Variants in ZNF628 observed in about 807,000 individuals in gnomAD.
The protein encoded by ZNF628 is zinc finger protein 628, also known as zinc finger protein Zec.
ZNF628 carries 3 observed loss-of-function variants against 2.5 expected under a neutral mutation model. That is an observed-to-expected ratio of 1.19 (90% CI 0.54 to 3.07). ZNF628 has a LOEUF of 3.07. Among genes scored for constraint, ZNF628 ranks in the 30% most tolerant of loss-of-function variants. The pLI is 0.03. For missense variants in ZNF628, 1,610 were observed against 1,517.1 expected, an observed-to-expected ratio of 1.06 and a Z score of -1.02; for synonymous variants, 861 against 717.1, an observed-to-expected ratio of 1.20 and a Z score of -3.21.
rs1337357329 is a variant in ZNF628, at chr19:55,482,193, A to G, written c.1000A>G (p.Lys334Glu). The change falls in exon 3 of 3, where the codon AAG becomes GAG. Residue 334 changes from lysine to glutamate, a missense_variant. Lys to Glu is a moderately conservative substitution (Grantham distance 56). Coordinates refer to ENST00000598519, the MANE Select transcript of ZNF628 (RefSeq NM_033113.3). ...CCAGGAGGCACCCGCCGAGGCGCCC[A>G]AGGCCGACCAGCCACCGTCCCCTCT... is the stretch of plus-strand genomic sequence containing the variant. ...QPQEAPAEAP[K>E]ADQPPSPLPQ... 1.1e-5 allele frequency: 17 copies of G among 1,489,474 alleles called. No individual in the cohort carries two copies. The highest frequency in any genetic ancestry group is 1.5e-5 in the Non-Finnish European group (17 of 1,125,466). The allele number at this position is 1,489,474 out of a possible 1,614,324, so 92.3% of individuals were successfully genotyped here.
rs530120042 is a variant in ZNF628, at chr19:55,483,576, A to C, written c.2383A>C (p.Thr795Pro). 42 of 1,608,078 alleles carry C rather than the reference A, an allele frequency of 2.6e-5. 1 individual carries two copies. In the South Asian group the frequency reaches 4.4e-4, roughly 17 times the overall value. ...AGCGGCCAGCGCTGGGGCCAGCGGG[A>C]CAGGGCAGAGCCTCATCGTTCTGCA... ...QGAASAGASG[T>P]GQSLIVLQNV... The change falls in exon 3 of 3, where the codon ACA (threonine) becomes CCA (proline). Residue 795 changes from threonine (T) to proline (P), a missense_variant. Transcript: ENST00000598519.
rs1002272881 is a variant in ZNF628, at chr19:55,481,119, C to G, written c.8-82C>G. On this transcript the variant is annotated intron_variant, in intron 2 of 2. Coordinates refer to ENST00000598519, the MANE Select transcript of ZNF628 (RefSeq NM_033113.3). ...GGTGACCTGGGGAGGTAGTCCCTGT[C>G]CCTTAAAGAGCCCGTGTGTGGGTTT... 2.8e-6 allele frequency: 4 copies of G among 1,439,922 alleles called. No individual in the cohort carries two copies. The Admixed American group carries it at 8.3e-5, about 30-fold the overall frequency. 89.2% of individuals were successfully genotyped at this position (1,439,922 alleles called of 1,614,324 possible). A position where few individuals can be genotyped will look rare whatever the true frequency, so the allele number is the denominator to read the frequency against.
In ZNF628 at chr19:55,482,529, G is replaced by GC; in HGVS notation, c.1341dup (p.Ala448ArgfsTer438). 8.8e-7 allele frequency: 1 copy of GC among 1,132,556 alleles called. No homozygotes were observed. The highest frequency in any genetic ancestry group is 1.2e-6 in the Non-Finnish European group (1 of 818,776). The allele number at this position is 1,132,556 out of a possible 1,614,324, so 70.2% of individuals were successfully genotyped here. On this transcript the variant is annotated frameshift_variant, in exon 3 of 3. Coordinates refer to ENST00000598519, the MANE Select transcript of ZNF628 (RefSeq NM_033113.3). LOFTEE classifies it low-confidence loss of function (END_TRUNC). ...CCCCGTCCCGCCGCCACCCCCGTCC[G>GC]CCCCCGCTTCTGCGGAGCGGCCCTA... is the stretch of plus-strand genomic sequence containing the variant.
chr19:55,482,301 G>T lies in ZNF628; in HGVS notation c.1108G>T (p.Gly370Trp). The T allele has an allele frequency of 6.8e-7, 1 of 1,469,860 alleles. No individual in the cohort carries two copies. Among genetic ancestry groups the T allele is most frequent in the Non-Finnish European group, 9.0e-7 (1 of 1,116,668 alleles). 91.1% of individuals were successfully genotyped at this position (1,469,860 alleles called of 1,614,324 possible). The stretch of plus-strand genomic sequence containing the variant: ...CGGCAAGTCCTTCCGGACGGTGGCT[G>T]GGCTCTCCCGCCACCAGCACAGCCA... ...PCGKSFRTVA[G>W]LSRHQHSHGA... is the part of the protein sequence containing the mutation. The change falls in exon 3 of 3, where the codon GGG becomes TGG. Residue 370 changes from glycine to tryptophan, a missense_variant. Transcript: ENST00000598519.
rs567662643 is a variant in ZNF628 at position 55,481,931 on chromosome 19, C to T, written c.738C>T (p.Pro246=). Residue 246 remains proline (P), a synonymous_variant, in exon 3 of 3, where the codon CCC becomes CCT. Coordinates refer to ENST00000598519, the MANE Select transcript of ZNF628 (RefSeq NM_033113.3). ...SAAPPPQSRE[P]GKVFVCDAYL... ...CCCCGCCCCCCCAGTCCCGGGAGCCCGGCAAGGTCTTCGTGTGCGACGCCT... is the reference window on the plus strand; with the variant it reads ...CCCCGCCCCCCCAGTCCCGGGAGCCTGGCAAGGTCTTCGTGTGCGACGCCT... 6.7e-7 allele frequency: 1 copy of T among 1,482,548 alleles called. No individual in the cohort carries two copies. Among genetic ancestry groups the T allele is most frequent in the Non-Finnish European group, 8.9e-7 (1 of 1,122,644 alleles). The allele number at this position is 1,482,548 out of a possible 1,614,324, so 91.8% of individuals were successfully genotyped here. A position where few individuals can be genotyped will look rare whatever the true frequency, so the allele number is the denominator to read the frequency against.
chr19:55,482,598 C>T lies in ZNF628; in HGVS notation c.1405C>T (p.Leu469=). Residue 469 remains leucine, a synonymous_variant, in exon 3 of 3, where the codon CTG becomes TTG. Coordinates refer to ENST00000598519, the MANE Select transcript of ZNF628 (RefSeq NM_033113.3). Reference sequence around the variant, plus strand: ...CAAGTCCTTCAAGGGCTCCTCCGGGCTGCGCTACCACCTGCGGGACCACAC... The same window carrying T: ...CAAGTCCTTCAAGGGCTCCTCCGGGTTGCGCTACCACCTGCGGGACCACAC... ...CGKSFKGSSG[L]RYHLRDHTGE... is the part of the protein sequence containing the mutation. 6.2e-7 allele frequency: 1 copy of T among 1,602,996 alleles called. No homozygotes were observed. The highest frequency in any genetic ancestry group is 1.3e-5 in the African/African-American group (1 of 74,892).
Position 55,482,397 on chromosome 19 carries a change from C to G in ZNF628, c.1204C>G (p.Leu402Val). The G allele has an allele frequency of 7.1e-7, 1 of 1,408,596 alleles. No individual in the cohort carries two copies. The highest frequency in any genetic ancestry group is 9.2e-7 in the Non-Finnish European group (1 of 1,084,818). The allele number at this position is 1,408,596 out of a possible 1,614,324, so 87.3% of individuals were successfully genotyped here. A position where few individuals can be genotyped will look rare whatever the true frequency, so the allele number is the denominator to read the frequency against. Residue 402 changes from leucine (L) to valine (V), a missense_variant, in exon 3 of 3, where the codon CTG becomes GTG. By Grantham distance (32) the Leu-to-Val change is conservative (BLOSUM62 1). Transcript: ENST00000598519. The stretch of plus-strand genomic sequence containing the variant: ...CTCCTTCCCGCAGCTGGCCAGCCTC[C>G]TGGCGCATCAGCAGTGCCACGTGGA... ...DGSFPQLASL[L>V]AHQQCHVEEA...
At position 55,482,244 on chromosome 19, in the gene ZNF628, GC is replaced by G. The variant is rs1314428728; in HGVS notation, c.1056del (p.Ala353ArgfsTer74). 6.9e-7 allele frequency: 1 copy of G among 1,442,710 alleles called. No homozygotes were observed. Among genetic ancestry groups the G allele is most frequent in the Non-Finnish European group, 9.0e-7 (1 of 1,106,146 alleles). The allele number at this position is 1,442,710 out of a possible 1,614,324, so 89.4% of individuals were successfully genotyped here. ...PLPQPPPPAA[A>X]PAPGFACLPC... ...GCCGCAGCCCCCTCCTCCCGCCGCC[GC>G]CCCCGCGCCTGGCTTTGCCTGTCTG... is the stretch of plus-strand genomic sequence containing the variant. On this transcript the variant is annotated frameshift_variant, in exon 3 of 3. Coordinates refer to ENST00000598519, the MANE Select transcript of ZNF628 (RefSeq NM_033113.3). LOFTEE classifies it low-confidence loss of function (END_TRUNC).
chr19:55,481,966 G>C lies in ZNF628; in HGVS notation c.773G>C (p.Arg258Pro), dbSNP rs868787314. The C allele has an allele frequency of 1.4e-6, 2 of 1,462,692 alleles. No individual in the cohort carries two copies. The highest frequency in any genetic ancestry group is 1.8e-6 in the Non-Finnish European group (2 of 1,114,792). 90.6% of individuals were successfully genotyped at this position (1,462,692 alleles called of 1,614,324 possible). A position where few individuals can be genotyped will look rare whatever the true frequency, so the allele number is the denominator to read the frequency against. ...KVFVCDAYLQ[R>P]HLQPHSPPAP... is the part of the protein sequence containing the mutation. ...TTCGTGTGCGACGCCTACCTGCAGC[G>C]GCACCTCCAGCCCCACAGCCCGCCC... The change falls in exon 3 of 3, where the codon CGG becomes CCG. Residue 258 changes from arginine (R) to proline (P), a missense_variant. Transcript: ENST00000598519.
In ZNF628 at chr19:55,479,719, C is replaced by T. The variant is rs145987037; in HGVS notation, c.-77-115C>T. The T allele has an allele frequency of 4.3e-3, 1,671 of 387,662 alleles. 1 individual carries two copies. The highest frequency in any genetic ancestry group is 6.6e-3 in the Middle Eastern group (10 of 1,520). The allele number at this position is 387,662 out of a possible 1,614,324, so 24.0% of individuals were successfully genotyped here. A position where few individuals can be genotyped will look rare whatever the true frequency, so the allele number is the denominator to read the frequency against. ...AGTTAACAGATAACCCCAAATGCCT[C>T]CAGGCATTGCGGGATGTCCCCTGGG... On this transcript the variant is annotated intron_variant, in intron 1 of 2. Transcript: ENST00000598519. This position sits in a 1 kb window ranked among gnomAD's most constrained non-coding sequence, Gnocchi z 5.1.
chr19:55,480,328 C>G (rs549927057), intron 2 of ZNF628, among the ~76,000 whole-genome samples: 7 of 148,196 alleles, frequency 4.7e-5, no homozygotes, highest in African/African-American at 1.8e-4. Flanking sequence ...TTACTGCAAC[C>G]TCCACCTCCC....
chr19:55,482,449 C>T lies in ZNF628; in HGVS notation c.1256C>T (p.Pro419Leu), dbSNP rs1176207633. The T allele has an allele frequency of 7.3e-7, 1 of 1,367,904 alleles. No individual in the cohort carries two copies. Among genetic ancestry groups the T allele is most frequent in the Non-Finnish European group, 9.4e-7 (1 of 1,066,142 alleles). 84.7% of individuals were successfully genotyped at this position (1,367,904 alleles called of 1,614,324 possible). A position where few individuals can be genotyped will look rare whatever the true frequency, so the allele number is the denominator to read the frequency against. The change falls in exon 3 of 3, where the codon CCG (proline) becomes CTG (leucine). Residue 419 changes from proline to leucine, a missense_variant. Coordinates refer to ENST00000598519, the MANE Select transcript of ZNF628 (RefSeq NM_033113.3). The part of the protein sequence containing the change: ...VEEAAAGRPP[P>L]QAEAAEVTCP... ...GAGGCCGCGGCCGGGCGCCCGCCCC[C>T]GCAGGCTGAGGCTGCGGAGGTGACC...
rs1490237859 is a variant in ZNF628 at position 55,482,087 on chromosome 19, T to C, written c.894T>C (p.Asp298=). ...CGGTGGAGCTGGTGTACCGCTGCGA[T>C]GGCTGCGAGCAGGGATTCAGCAGCG... ...ETTVELVYRC[D]GCEQGFSSEE... is the part of the protein sequence containing the mutation. Residue 298 remains aspartate (D), a synonymous_variant, in exon 3 of 3, where the codon GAT becomes GAC. Coordinates refer to ENST00000598519, the MANE Select transcript of ZNF628 (RefSeq NM_033113.3). The C allele has an allele frequency of 6.7e-7, 1 of 1,503,436 alleles. No individual in the cohort carries two copies. Among genetic ancestry groups the C allele is most frequent in the Non-Finnish European group, 8.9e-7 (1 of 1,127,148 alleles). 93.1% of individuals were successfully genotyped at this position (1,503,436 alleles called of 1,614,324 possible). A position where few individuals can be genotyped will look rare whatever the true frequency, so the allele number is the denominator to read the frequency against.
chr19:55,477,159 A>T (rs1052465321), intron 1 of ZNF628, among the ~76,000 whole-genome samples: 6 of 152,170 alleles, frequency 3.9e-5, no homozygotes, highest in Non-Finnish European at 7.3e-5. Context: ...GCTCAACAAA[A>T]GTGGAGATGG....
intron 1 of ZNF628, among the ~76,000 whole-genome samples, chr19:55,477,050 C>A (rs1986568078): frequency 6.6e-6 from 1 of 152,296 alleles, no homozygotes; most frequent in Non-Finnish European, 1.5e-5. Flanking sequence ...ATGTTTTTCC[C>A]CTAAAAGGCG....
rs1379262433 is a variant in ZNF628 at position 55,482,038 on chromosome 19, T to C, written c.845T>C (p.Leu282Pro). Reference protein sequence around the residue: ...PPPPPPVVPELFLAAAETTVE... With the variant: ...PPPPPPVVPEPFLAAAETTVE... The stretch of plus-strand genomic sequence containing the variant: ...CCGCCCCCGCCCGTGGTGCCTGAGC[T>C]CTTTTTGGCGGCGGCGGAGACCACG... The change falls in exon 3 of 3, where the codon CTC (leucine) becomes CCC (proline). Residue 282 changes from leucine (L) to proline (P), a missense_variant. By Grantham distance (98) the Leu-to-Pro change is moderately conservative (BLOSUM62 -3). Coordinates refer to ENST00000598519, the MANE Select transcript of ZNF628 (RefSeq NM_033113.3). The C allele has an allele frequency of 7.0e-7, 1 of 1,429,840 alleles. No individual in the cohort carries two copies. 88.6% of individuals were successfully genotyped at this position (1,429,840 alleles called of 1,614,324 possible).
At position 55,482,224 on chromosome 19, in the gene ZNF628, A is replaced by C. The variant is rs770667016; in HGVS notation, c.1031A>C (p.Gln344Pro). Reference protein sequence around the residue: ...KADQPPSPLPQPPPPAAAPAP... With the variant: ...KADQPPSPLPPPPPPAAAPAP... ...GACCAGCCACCGTCCCCTCTGCCGC[A>C]GCCCCCTCCTCCCGCCGCCGCCCCC... The change falls in exon 3 of 3, where the codon CAG becomes CCG. Residue 344 changes from glutamine (Q) to proline (P), a missense_variant. Gln to Pro is a moderately conservative substitution (Grantham distance 76). Around this residue, in one of 5 missense-constraint regions of ZNF628, gnomAD observed 651 missense variants for 575.6 expected, o/e 1.13. Coordinates refer to ENST00000598519, the MANE Select transcript of ZNF628 (RefSeq NM_033113.3). 67 of 1,458,622 alleles carry C rather than the reference A, an allele frequency of 4.6e-5. No homozygotes were observed. Among genetic ancestry groups the C allele is most frequent in the Admixed American group, 7.5e-5 (3 of 39,852 alleles). 90.4% of individuals were successfully genotyped at this position (1,458,622 alleles called of 1,614,324 possible).
chr19:55,484,207 C>T lies in ZNF628; in HGVS notation c.3014C>T (p.Pro1005Leu), dbSNP rs773310946. The change falls in exon 3 of 3, where the codon CCG (proline) becomes CTG (leucine). Residue 1005 changes from proline (P) to leucine (L), a missense_variant. Transcript: ENST00000598519. ...ACGCTGCAGCTCCTGGCCCCACCGC[C>T]GTCAGGCCCAGCCTCGGGCCCCGCG... ...TATLQLLAPP[P>L]SGPASGPAGL... 8 of 1,546,864 alleles carry T rather than the reference C, an allele frequency of 5.2e-6. No homozygotes were observed. The highest frequency in any genetic ancestry group is 4.0e-5 in the Admixed American group (2 of 50,488).
Position 55,478,740 on chromosome 19 carries a change from T to G in ZNF628, c.-77-1094T>G, listed in dbSNP as rs1384517842. Among the ~76,000 whole-genome samples the G allele has an allele frequency of 2.0e-5, 3 of 152,044 alleles. No individual in the cohort carries two copies. The East Asian group carries it at 5.8e-4, about 29-fold the overall frequency. On this transcript the variant is annotated intron_variant, in intron 1 of 2. Transcript: ENST00000598519. ...TGCCTCAGATCAAGGTGGAGGCCTG[T>G]GAGAAGTGGCCAGATCTTGGATATG...
Sources: gnomAD v4.1 joint callset for allele counts (sites outside exome capture counted in the v4.1 genomes callset) on GRCh38, gnomAD v4.1.1 for gene constraint, gnomAD v4.1.1 regional missense constraint, Gnocchi (gnomAD v3.1) non-coding constraint, MANE v1.5 for transcripts, NCBI Gene and HGNC (gene_info 2026-07-23, HGNC 2026-07-21) for gene names.